ACTR3C: variants seen among roughly 807,000 people sequenced by gnomAD.
ACTR3C encodes actin-related protein 3C.
ACTR3C carries 18 observed loss-of-function variants against 26.3 expected under a neutral mutation model. The ratio of observed to expected loss-of-function variants is 0.68; its 90% CI spans 0.47 to 1.01. The LOEUF (loss-of-function observed/expected upper bound fraction) is 1.01, where lower values mean the gene tolerates loss of function less well. Ranked by LOEUF, ACTR3C falls within the 50% of genes least tolerant of loss-of-function variation. The probability of loss-of-function intolerance (pLI) is 0.00; values close to 1 mark genes in which losing one functional copy is unlikely to be tolerated. For synonymous variants in ACTR3C, 55 were observed against 94.5 expected (o/e 0.58, Z 2.42); for missense variants, 184 against 250.7 (o/e 0.73, Z 1.80).
the ACTR3C span, among the ~76,000 whole-genome samples, chr7:150,152,597 TCTC>T: frequency 6.6e-6 from 1 of 152,192 alleles, no homozygotes; most frequent in African/African-American, 2.4e-5. Flanking sequence ...GGTCTAAAAT[TCTC>T]CTTTTTGGTT....
At chr7:150,087,376 T>C in the ACTR3C span, among the ~76,000 whole-genome samples, 2 of 152,180 alleles carry the variant, frequency 1.3e-5, no homozygotes, top group Non-Finnish European at 2.9e-5. Flanking sequence ...CTTTTCATAA[T>C]AGAGTCATGA....
At chr7:150,312,729 C>T (rs975565184) in intron 1 of ACTR3C, among the ~76,000 whole-genome samples, 72 of 152,266 alleles carry the variant, frequency 4.7e-4, no homozygotes, top group African/African-American at 1.7e-3. Flanking sequence ...TGAGAAACAT[C>T]GCCCCTACCC....
At chr7:150,074,099 C>T in the ACTR3C span, 1 of 152,358 alleles carries the variant, frequency 6.6e-6, no homozygotes, top group Middle Eastern at 3.4e-3. Flanking sequence ...GACCTTCACT[C>T]CAGCTTACTG....
the ACTR3C span, among the ~76,000 whole-genome samples, chr7:150,182,243 G>A: frequency 6.6e-6 from 1 of 150,680 alleles, no homozygotes; most frequent in Non-Finnish European, 1.5e-5. Flanking sequence ...CTGTGGATTT[G>A]TTAGCTGGAT....
the ACTR3C span, among the ~76,000 whole-genome samples, chr7:149,926,632 G>C: frequency 2.0e-5 from 3 of 152,230 alleles, no homozygotes; most frequent in Non-Finnish European, 4.4e-5. Flanking sequence ...GCTGCACTGG[G>C]TGAGGACTCG....
chr7:150,105,219 A>G, the ACTR3C span, among the ~76,000 whole-genome samples: 1 of 151,514 alleles, frequency 6.6e-6, no homozygotes, highest in East Asian at 1.9e-4. Context: ...AGTAGCTGAG[A>G]CTACAGGCAT....
the ACTR3C span, among the ~76,000 whole-genome samples, chr7:150,163,918 C>T: frequency 6.6e-6 from 1 of 152,142 alleles, no homozygotes; most frequent in Non-Finnish European, 1.5e-5. Context: ...CTAGAAATGC[C>T]TTCACACACA....
the ACTR3C span, among the ~76,000 whole-genome samples, chr7:149,917,161 C>T: frequency 0.93 from 141,232 of 151,456 alleles, 66,684 homozygotes; most frequent in East Asian, 1. Flanking sequence ...CTGAAACCTC[C>T]GCCTCCTGGG....
the ACTR3C span, among the ~76,000 whole-genome samples, chr7:150,069,281 C>T: frequency 3.3e-5 from 5 of 151,974 alleles, no homozygotes; most frequent in Admixed American, 3.3e-4. Context: ...CTTTTTGTTT[C>T]TTTAAGTTCA....
At chr7:150,178,564 G>A in the ACTR3C span, among the ~76,000 whole-genome samples, 1 of 150,468 alleles carries the variant, frequency 6.6e-6, no homozygotes, top group African/African-American at 2.5e-5. Context: ...GATTACAGGT[G>A]TGAGCCACTG....
chr7:150,125,292 T>C, the ACTR3C span, among the ~76,000 whole-genome samples: 1 of 151,756 alleles, frequency 6.6e-6, no homozygotes, highest in Non-Finnish European at 1.5e-5. Flanking sequence ...CATAGTTTTC[T>C]CTCTTAGTTC....
chr7:150,002,203 G>C, the ACTR3C span: 9 of 152,230 alleles, frequency 5.9e-5, 1 homozygote, highest in Admixed American at 2.0e-4. Flanking sequence ...TTCCCTCAGA[G>C]AAGGTAAGAA....
the ACTR3C span, among the ~76,000 whole-genome samples, chr7:150,227,687 GGTTTTTTTTTTTT>G: frequency 3.0e-5 from 4 of 131,896 alleles, no homozygotes; most frequent in South Asian, 2.3e-4. Context: ...TTTGTGTCTG[GGTTTTTTTTTTTT>G]GTTTTTTTTT....
chr7:150,105,859 T>G, the ACTR3C span, among the ~76,000 whole-genome samples: 1,002 of 152,162 alleles, frequency 6.6e-3, 9 homozygotes, highest in Non-Finnish European at 9.9e-3. Flanking sequence ...AGGGACATTT[T>G]ATGAACAGCA....
At chr7:150,106,685 A>T in the ACTR3C span, among the ~76,000 whole-genome samples, 2 of 131,468 alleles carry the variant, frequency 1.5e-5, 1 homozygote, top group East Asian at 4.0e-4. Context: ...TAGCTTATTG[A>T]CCCAATAGCT....
At chr7:150,102,669 T>G in the ACTR3C span, among the ~76,000 whole-genome samples, 5 of 152,032 alleles carry the variant, frequency 3.3e-5, no homozygotes, top group Non-Finnish European at 4.4e-5. Context: ...GACATCCTGA[T>G]GGTGCTGGAC....
chr7:150,109,552 T>C, the ACTR3C span, among the ~76,000 whole-genome samples: 1 of 151,370 alleles, frequency 6.6e-6, no homozygotes, highest in Non-Finnish European at 1.5e-5. Context: ...CTACTCAGCC[T>C]GACGACCACA....
At chr7:149,998,293 C>G in the ACTR3C span, among the ~76,000 whole-genome samples, 1 of 150,826 alleles carries the variant, frequency 6.6e-6, no homozygotes, top group African/African-American at 2.4e-5. Context: ...CCTCTAATTA[C>G]CTGCCTAGAC....
the ACTR3C span, among the ~76,000 whole-genome samples, chr7:150,027,931 A>G: frequency 6.6e-6 from 1 of 152,120 alleles, no homozygotes; most frequent in African/African-American, 2.4e-5. Flanking sequence ...TAACTCTTGA[A>G]AAGTAGTCAC....
Sources: allele counts gnomAD v4.1 joint callset (sites outside exome capture counted in the v4.1 genomes callset), GRCh38; gene constraint gnomAD v4.1.1; transcripts MANE v1.5; gene names NCBI Gene and HGNC (gene_info 2026-07-23, HGNC 2026-07-21).